The following UMAD1 variants were observed in gnomAD, a reference collection of about 807,000 sequenced individuals.
UMAD1 encodes the protein UBAP1-MVB12-associated (UMA) domain containing 1.
UMAD1 carries 8 observed loss-of-function variants against 6.1 expected under a neutral mutation model. That is an observed-to-expected ratio of 1.30 (90% confidence interval 0.76 to 2.35). The LOEUF (loss-of-function observed/expected upper bound fraction) is 2.35, where lower values mean the gene tolerates loss of function less well. UMAD1 is among the 30% of genes most tolerant of loss of function. UMAD1 has a pLI of 0.00. For synonymous variants in UMAD1, 56 were observed against 31.4 expected (o/e 1.78, Z -2.61); for missense variants, 130 against 78.4 (o/e 1.66, Z -2.49).
intron 2 of UMAD1, among the ~76,000 whole-genome samples, chr7:7,743,976 T>C (rs1781521455): frequency 1.3e-5 from 2 of 152,130 alleles, no homozygotes; most frequent in Non-Finnish European, 2.9e-5. Context: ...CAATGGCTTT[T>C]AACATATCCA....
In UMAD1 at chr7:7,732,617, C is replaced by T. The variant is rs1781279597; in HGVS notation, c.82+59164C>T. On this transcript the variant is annotated intron_variant, in intron 2 of 3. Coordinates refer to ENST00000682710, the MANE Select transcript of UMAD1 (RefSeq NM_001302348.2). ...TCCAACATTCAGTCTGATTTTCCAC[C>T]TCATTGAAAACATTCTACAGCTGCT... 2.0e-5 allele frequency among the ~76,000 whole-genome samples: 3 copies of T among 152,284 alleles called. No individual in the cohort carries two copies. In the South Asian group the frequency reaches 6.2e-4, roughly 32 times the overall value.
intron 2 of UMAD1, among the ~76,000 whole-genome samples, chr7:7,693,295 T>TTATCTATCTATC (rs1250261083): frequency 0.28 from 42,331 of 148,722 alleles, 6,137 homozygotes; most frequent in African/African-American, 0.3. Context: ...TAAAATATCT[T>TTATCTATCTATC]TATCTATCTA....
intron 2 of UMAD1, chr7:7,738,896 G>A (rs17137022): frequency 0.046 from 6,986 of 152,270 alleles, 213 homozygotes; most frequent in Middle Eastern, 0.13. Context: ...TGTAGGGTGA[G>A]TGGTCTTAAG....
intron 2 of UMAD1, among the ~76,000 whole-genome samples, chr7:7,788,767 A>C (rs779439185): frequency 6.6e-6 from 1 of 152,184 alleles, no homozygotes; most frequent in Non-Finnish European, 1.5e-5. Context: ...CTCCCCACCA[A>C]ACACTTGAAT....
intron 3 of UMAD1, among the ~76,000 whole-genome samples, chr7:7,806,532 G>C (rs1782916905): frequency 6.6e-6 from 1 of 152,050 alleles, no homozygotes; most frequent in Admixed American, 6.6e-5. Context: ...TGATTTCTGG[G>C]TAGATAAATG....
chr7:7,761,714 C>T (rs7804953), intron 2 of UMAD1, among the ~76,000 whole-genome samples: 55,314 of 152,082 alleles, frequency 0.36, 11,134 homozygotes, highest in African/African-American at 0.54. Context: ...AGACACTCAT[C>T]TTATTATTTA....
At chr7:7,671,843 C>A (rs1167719372) in intron 1 of UMAD1, among the ~76,000 whole-genome samples, 1 of 152,166 alleles carries the variant, frequency 6.6e-6, no homozygotes, top group African/African-American at 2.4e-5. Flanking sequence ...CCAGTAAGCA[C>A]TTTCTTTAAG....
chr7:7,864,867 A>G (rs1447013574), intron 3 of UMAD1, among the ~76,000 whole-genome samples: 1 of 152,138 alleles, frequency 6.6e-6, no homozygotes, highest in East Asian at 1.9e-4. Flanking sequence ...AAGAAGAGCT[A>G]GAGATTGAGT....
At chr7:7,760,632 T>A (rs1781870809) in intron 2 of UMAD1, among the ~76,000 whole-genome samples, 1 of 151,774 alleles carries the variant, frequency 6.6e-6, no homozygotes, top group South Asian at 2.1e-4. Context: ...AAGACTGAGT[T>A]TGGATAGCAT....
intron 2 of UMAD1, among the ~76,000 whole-genome samples, chr7:7,752,134 T>C (rs1781689924): frequency 6.6e-6 from 1 of 152,084 alleles, no homozygotes; most frequent in South Asian, 2.1e-4. Flanking sequence ...TAATGGAACA[T>C]AAAACTAAAG....
intron 3 of UMAD1, among the ~76,000 whole-genome samples, chr7:7,832,361 C>T (rs1783483775): frequency 6.6e-6 from 1 of 151,906 alleles, no homozygotes; most frequent in South Asian, 2.1e-4. Flanking sequence ...CATTTCCTTT[C>T]TGTCTTCAAT....
At chr7:7,742,659 A>C in intron 2 of UMAD1, 1 of 300,334 alleles carries the variant, frequency 3.3e-6, no homozygotes, top group Non-Finnish European at 6.6e-6. Context: ...GTGATTCTTC[A>C]TGATTGCCAA....
At chr7:7,869,727 C>T (rs76039418) in intron 3 of UMAD1, among the ~76,000 whole-genome samples, 3,383 of 152,202 alleles carry the variant, frequency 0.022, 141 homozygotes, top group African/African-American at 0.076. Flanking sequence ...ATTGTTAGTG[C>T]GTCTGCAAAG....
chr7:7,858,596 T>C (rs1784062227), intron 3 of UMAD1, among the ~76,000 whole-genome samples: 1 of 152,202 alleles, frequency 6.6e-6, no homozygotes, highest in Admixed American at 6.5e-5. Context: ...TACGTAATCA[T>C]CTGGGTCCTA....
chr7:7,784,608 G>A (rs1361829145), intron 2 of UMAD1, among the ~76,000 whole-genome samples: 5 of 151,762 alleles, frequency 3.3e-5, no homozygotes, highest in Non-Finnish European at 7.4e-5. Context: ...GCGTCCCAGA[G>A]TGCTGGGATT....
At chr7:7,824,154 G>A (rs1377148452) in intron 3 of UMAD1, among the ~76,000 whole-genome samples, 2 of 152,022 alleles carry the variant, frequency 1.3e-5, no homozygotes, top group African/African-American at 4.8e-5. Flanking sequence ...CTTGTAACTT[G>A]CATGTCCTCA....
At chr7:7,657,273 T>G (rs1785366178) in intron 1 of UMAD1, among the ~76,000 whole-genome samples, 1 of 152,174 alleles carries the variant, frequency 6.6e-6, no homozygotes, top group South Asian at 2.1e-4. Context: ...GCCAGTTCAC[T>G]CTGATGATAG....
intron 2 of UMAD1, among the ~76,000 whole-genome samples, chr7:7,709,809 T>G (rs1052701414): frequency 6.6e-6 from 1 of 152,140 alleles, no homozygotes; most frequent in Non-Finnish European, 1.5e-5. Context: ...TGAGAACATA[T>G]TCAGAATGAC....
At chr7:7,812,025 T>C (rs1241133471) in intron 3 of UMAD1, among the ~76,000 whole-genome samples, 1 of 152,214 alleles carries the variant, frequency 6.6e-6, no homozygotes, top group African/African-American at 2.4e-5. Flanking sequence ...AAGGTCTTTT[T>C]CGTAACTTCA....
Sources: gnomAD v4.1 joint callset for allele counts (sites outside exome capture counted in the v4.1 genomes callset) on GRCh38, gnomAD v4.1.1 for gene constraint, MANE v1.5 for transcripts, NCBI Gene and HGNC (gene_info 2026-07-23, HGNC 2026-07-21) for gene names.